The following SHISAL2A variants were observed in gnomAD, a reference collection of about 807,000 sequenced individuals.
SHISAL2A encodes protein shisa-like-2A.
Under a neutral mutation model 11.5 loss-of-function variants are expected in SHISAL2A, and 18 were observed. That is an observed-to-expected ratio of 1.57 (90% CI 1.08 to 2.33). The LOEUF is 2.33. Ranked by LOEUF, SHISAL2A falls within the 30% of genes most tolerant of loss-of-function variation. The pLI, the probability that SHISAL2A is intolerant of heterozygous loss-of-function variation, is 0.00. For missense variants in SHISAL2A, 261 were observed against 250.9 expected (o/e 1.04, Z -0.27); for synonymous variants, 94 against 99.6 (o/e 0.94, Z 0.34).
intron 2 of SHISAL2A, among the ~76,000 whole-genome samples, chr1:52,648,569 ACT>A (rs1691555391): frequency 6.6e-6 from 1 of 152,080 alleles, no homozygotes. Context: ...TGTGCCAGAC[ACT>A]GTTTGAAATT....
rs142164522 is a variant in SHISAL2A, at chr1:52,637,181, C to G, written c.182+3506C>G. On this transcript the variant is annotated intron_variant, in intron 1 of 2. Coordinates refer to ENST00000517870, the MANE Select transcript of SHISAL2A (RefSeq NM_001042693.3). ...TGTGACCCCAAGGTGGCTAAAGGCT[C>G]TAGGGTGACTCTTCCTGGACTCAGA... Among the ~76,000 whole-genome samples, 348 of 152,268 alleles carry G rather than the reference C, an allele frequency of 2.3e-3. 1 individual carries two copies. Among genetic ancestry groups the G allele is most frequent in the African/African-American group, 6.6e-3 (274 of 41,542 alleles).
chr1:52,647,280 C>T (rs932042079), intron 2 of SHISAL2A, among the ~76,000 whole-genome samples: 2 of 152,114 alleles, frequency 1.3e-5, no homozygotes, highest in African/African-American at 4.8e-5. Context: ...GATCAGTTGA[C>T]AAAAATGTGA....
intron 2 of SHISAL2A, among the ~76,000 whole-genome samples, chr1:52,649,219 T>A (rs1459619889): frequency 3.3e-5 from 5 of 152,154 alleles, no homozygotes; most frequent in Non-Finnish European, 7.3e-5. Flanking sequence ...GCTTTACTGT[T>A]GATAGACTTT....
At position 52,646,492 on chromosome 1, in the gene SHISAL2A, TACACAC is replaced by T. The variant is rs35929137; in HGVS notation, c.322+3522_322+3527del. Reference sequence around the variant, plus strand: ...GATATTATATTACATTAAATATCTATACACACACACACACACACACACACACACACA... The same window carrying T: ...GATATTATATTACATTAAATATCTATACACACACACACACACACACACACA... On this transcript the variant is annotated intron_variant, in intron 2 of 2. Transcript: ENST00000517870. Among the ~76,000 whole-genome samples, 787 of 145,360 alleles carry T rather than the reference TACACAC, an allele frequency of 5.4e-3. 11 individuals are homozygous for T. Among genetic ancestry groups the T allele is most frequent in the Admixed American group, 0.022 (321 of 14,486 alleles).
At chr1:52,666,060 C>T (rs2149897363) in intron 4 of SHISAL2A, among the ~76,000 whole-genome samples, 1 of 152,334 alleles carries the variant, frequency 6.6e-6, no homozygotes, top group South Asian at 2.1e-4. Flanking sequence ...GAGAATATCC[C>T]AGCCCTTCTG....
chr1:52,633,510 C>T lies in SHISAL2A; in HGVS notation c.17C>T (p.Thr6Met), dbSNP rs1295167917. MSGAC[T>M]SYVSAEQEVV... ...CGGGGCGCGATGAGCGGCGCCTGCA[C>T]GAGCTACGTGAGCGCAGAGCAGGAG... Residue 6 changes from threonine to methionine, a missense_variant, in exon 1 of 3, where the codon ACG (threonine) becomes ATG (methionine). Coordinates refer to ENST00000517870, the MANE Select transcript of SHISAL2A (RefSeq NM_001042693.3). This position sits in a 1 kb window ranked among gnomAD's most constrained non-coding sequence, Gnocchi z 6.4. 6.5e-7 allele frequency: 1 copy of T among 1,542,562 alleles called. No individual in the cohort carries two copies. The highest frequency in any genetic ancestry group is 8.7e-7 in the Non-Finnish European group (1 of 1,150,292).
intron 2 of SHISAL2A, among the ~76,000 whole-genome samples, chr1:52,645,032 A>AG (rs1553252071): frequency 3.3e-5 from 5 of 151,084 alleles, no homozygotes; most frequent in Admixed American, 6.6e-5. Flanking sequence ...AAAAAAAAAA[A>AG]AAGAAGAAGA....
At chr1:52,652,835 G>A (rs1049707018) in intron 2 of SHISAL2A, among the ~76,000 whole-genome samples, 5 of 150,612 alleles carry the variant, frequency 3.3e-5, no homozygotes, top group African/African-American at 4.9e-5. Context: ...GCTTGGTGGC[G>A]GGCACCTGTA....
At chr1:52,639,146 C>T (rs145310528) in intron 1 of SHISAL2A, among the ~76,000 whole-genome samples, 221 of 151,756 alleles carry the variant, frequency 1.5e-3, no homozygotes, top group Non-Finnish European at 2.7e-3. Flanking sequence ...GTACTCCAGC[C>T]TGGGTGGTAG....
intron 2 of SHISAL2A, among the ~76,000 whole-genome samples, chr1:52,649,950 G>A (rs1307768617): frequency 6.6e-6 from 1 of 152,128 alleles, no homozygotes; most frequent in Non-Finnish European, 1.5e-5. Flanking sequence ...TCACTGTATA[G>A]ATGGGGCAGC....
chr1:52,659,117 G>C (rs777790722), downstream of SHISAL2A, among the ~76,000 whole-genome samples: 4 of 151,928 alleles, frequency 2.6e-5, no homozygotes, highest in Non-Finnish European at 5.9e-5. Flanking sequence ...CACCAGGCTG[G>C]AGTGCAGTGG....
chr1:52,640,072 G>A (rs947734719), intron 1 of SHISAL2A: 5 of 152,230 alleles, frequency 3.3e-5, no homozygotes, highest in South Asian at 2.1e-4. Flanking sequence ...TTACAGGTAT[G>A]AGCCACATCG....
chr1:52,633,070 C>T (rs1050455230), upstream of SHISAL2A, among the ~76,000 whole-genome samples: 2 of 151,928 alleles, frequency 1.3e-5, no homozygotes, highest in Non-Finnish European at 2.9e-5. The surrounding 1 kb of genome is among the most constrained non-coding windows in gnomAD (Gnocchi z 6.4). Context: ...CCTCGAATTC[C>T]CGCCCCGCCA....
chr1:52,651,075 C>T (rs912543668), intron 2 of SHISAL2A, among the ~76,000 whole-genome samples: 3 of 151,658 alleles, frequency 2.0e-5, no homozygotes, highest in African/African-American at 7.3e-5. Context: ...GAGTGATGAT[C>T]TATATTAACT....
At chr1:52,668,955 C>T (rs1289231738) in exon 6 of SHISAL2A, 2 of 152,206 alleles carry the variant, frequency 1.3e-5, no homozygotes, top group Non-Finnish European at 2.9e-5. Flanking sequence ...GGTTGGCATG[C>T]CCTCTGGGCA....
chr1:52,636,175 A>G (rs1340692616), intron 1 of SHISAL2A, among the ~76,000 whole-genome samples: 1 of 136,408 alleles, frequency 7.3e-6, no homozygotes, highest in Admixed American at 7.5e-5. Flanking sequence ...ACTTCCTAGT[A>G]TTTTCTCTCA....
chr1:52,635,211 A>G (rs1228949489), intron 1 of SHISAL2A, among the ~76,000 whole-genome samples: 1 of 152,214 alleles, frequency 6.6e-6, no homozygotes, highest in African/African-American at 2.4e-5. Flanking sequence ...AATGGTATTC[A>G]CTTGACAAGT....
chr1:52,643,850 C>CAGAA (rs141726101), intron 2 of SHISAL2A, among the ~76,000 whole-genome samples: 55 of 135,192 alleles, frequency 4.1e-4, no homozygotes, highest in East Asian at 1.6e-3. Flanking sequence ...GAGACTGTCT[C>CAGAA]AGAAAGAAAG....
chr1:52,668,171 G>C lies in SHISAL2A; in HGVS notation n.877-397G>C, dbSNP rs542103255. On this transcript the variant is annotated intron_variant and non_coding_transcript_variant, in intron 5 of 5. Transcript: ENST00000401050. ...CTTTAAGATGCAGTTATCCTCTCCT[G>C]GTTGGAATTGATTGCAACATACTTC... Among the ~76,000 whole-genome samples, 2 of 152,278 alleles carry C rather than the reference G, an allele frequency of 1.3e-5. 1 individual carries two copies. The highest frequency in any genetic ancestry group is 1.3e-4 in the Admixed American group (2 of 15,298).
Sources: gnomAD v4.1 joint callset for allele counts (sites outside exome capture counted in the v4.1 genomes callset) on GRCh38, gnomAD v4.1.1 for gene constraint, Gnocchi (gnomAD v3.1) non-coding constraint, MANE v1.5 for transcripts, NCBI Gene and HGNC (gene_info 2026-07-23, HGNC 2026-07-21) for gene names.